The following PID1 variants were observed in gnomAD, a reference collection of about 807,000 sequenced individuals.
PID1 encodes the protein PTB-containing, cubilin and LRP1-interacting protein.
Under a neutral mutation model 19.1 loss-of-function variants are expected in PID1, and 10 were observed. That is an observed-to-expected ratio of 0.52 (90% CI 0.32 to 0.89). The LOEUF is 0.89. Among genes scored for constraint, PID1 ranks in the 40% least tolerant of loss-of-function variants. PID1 has a pLI of 0.03. For synonymous variants in PID1, 130 were observed against 116.0 expected, an observed-to-expected ratio of 1.12 and a Z score of -0.78; for missense variants, 248 against 285.3, an observed-to-expected ratio of 0.87 and a Z score of 0.94.
chr2:229,200,986 T>C (rs1691487502), intron 1 of PID1, among the ~76,000 whole-genome samples: 2 of 152,058 alleles, frequency 1.3e-5, no homozygotes, highest in South Asian at 2.1e-4. Flanking sequence ...CTTTCTGATA[T>C]GCTTCGATAC....
rs73998536 is a variant in PID1, at chr2:229,064,317, T to C, written c.178-38209A>G. ...GAAGTAAAATTGAGCTGGTTCATGA[T>C]TGACAGAATAGGCATGATCATGGTG... On this transcript the variant is annotated intron_variant, in intron 2 of 2. Transcript: ENST00000392055. Among the ~76,000 whole-genome samples, 455 of 152,160 alleles carry C rather than the reference T, an allele frequency of 3.0e-3. 2 individuals are homozygous for C. Among genetic ancestry groups the C allele is most frequent in the African/African-American group, 9.3e-3 (388 of 41,538 alleles).
At chr2:229,050,096 A>C (rs1169158454) in intron 2 of PID1, among the ~76,000 whole-genome samples, 1 of 152,222 alleles carries the variant, frequency 6.6e-6, no homozygotes, top group Non-Finnish European at 1.5e-5. Context: ...ACTTTTCCTA[A>C]ATGACAGCTC....
intron 1 of PID1, among the ~76,000 whole-genome samples, chr2:229,219,980 G>A (rs536799618): frequency 5.9e-5 from 9 of 152,064 alleles, no homozygotes; most frequent in South Asian, 2.1e-4. Context: ...ATATGTGATC[G>A]ACTGTAAATT....
intron 1 of PID1, among the ~76,000 whole-genome samples, chr2:229,194,852 T>C (rs1246082749): frequency 6.6e-6 from 1 of 151,988 alleles, no homozygotes; most frequent in Non-Finnish European, 1.5e-5. Context: ...CAAATGTACA[T>C]GTATATAGTA....
Position 229,037,617 on chromosome 2 carries a change from A to G in PID1, c.178-11509T>C, listed in dbSNP as rs189440226. On this transcript the variant is annotated intron_variant, in intron 2 of 2. Coordinates refer to ENST00000392055, the MANE Select transcript of PID1 (RefSeq NM_001100818.2). ...TTGAAGGTACTGAAGTGTGCCCCTG[A>G]AGACAAAGTCACTTAATAAAAACGA... Among the ~76,000 whole-genome samples the G allele has an allele frequency of 2.9e-3, 439 of 152,332 alleles. 1 individual carries two copies. Among genetic ancestry groups the G allele is most frequent in the Non-Finnish European group, 4.7e-3 (322 of 68,026 alleles).
Position 229,101,936 on chromosome 2 carries a change from A to T in PID1, c.177+53882T>A, listed in dbSNP as rs1695082333. On this transcript the variant is annotated intron_variant, in intron 2 of 2. Transcript: ENST00000392055. ...GCTAATCATCTGACCTTAAAATAAG[A>T]TTAGCCTGGATTGTCTAGGTGGGTC... 3.9e-5 allele frequency among the ~76,000 whole-genome samples: 6 copies of T among 152,184 alleles called. 2 individuals are homozygous for T. The South Asian group carries it at 1.2e-3, about 31-fold the overall frequency.
chr2:229,145,155 GTATA>G (rs5839309), intron 2 of PID1, among the ~76,000 whole-genome samples: 4,960 of 119,582 alleles, frequency 0.041, 88 homozygotes, highest in Non-Finnish European at 0.046. Context: ...ATATGTATGT[GTATA>G]TATATATATA....
At chr2:229,211,352 G>A (rs1374054085) in intron 1 of PID1, among the ~76,000 whole-genome samples, 1 of 151,978 alleles carries the variant, frequency 6.6e-6, no homozygotes, top group Non-Finnish European at 1.5e-5. Context: ...CACTTTGAAC[G>A]GTAACTGTTC....
intron 1 of PID1, among the ~76,000 whole-genome samples, chr2:229,253,036 C>T (rs914865102): frequency 7.2e-5 from 11 of 152,108 alleles, no homozygotes; most frequent in Admixed American, 1.3e-4. Flanking sequence ...ATATTCTCTA[C>T]CCAGAAGGTC....
intron 1 of PID1, among the ~76,000 whole-genome samples, chr2:229,209,618 A>G (rs908999499): frequency 1.3e-5 from 2 of 152,166 alleles, no homozygotes; most frequent in African/African-American, 2.4e-5. Flanking sequence ...GAAATTAAAC[A>G]TTGATCATGT....
chr2:229,128,070 G>A (rs1157199324), intron 2 of PID1, among the ~76,000 whole-genome samples: 1 of 152,044 alleles, frequency 6.6e-6, no homozygotes, highest in South Asian at 2.1e-4. Context: ...ATTCCCCCAG[G>A]GCATTTTCCT....
At chr2:229,227,849 T>C in intron 1 of PID1, 1 of 356,900 alleles carries the variant, frequency 2.8e-6, no homozygotes. Flanking sequence ...GTAACAACGA[T>C]TTATATAGCA....
rs765746020 is a variant in PID1 at position 229,065,729 on chromosome 2, A to AAAAAAAAAAAAAAAG, written c.178-39622_178-39621insCTTTTTTTTTTTTTT. ...GTGATTTACAAAAAAAAAAAAAAAA[A>AAAAAAAAAAAAAAAG]AAACAGGTTGAAATTCAGAGATTTA... On this transcript the variant is annotated intron_variant, in intron 2 of 2. Transcript: ENST00000392055. Among the ~76,000 whole-genome samples the AAAAAAAAAAAAAAAG allele has an allele frequency of 9.1e-3, 1,281 of 140,476 alleles. 32 individuals are homozygous for AAAAAAAAAAAAAAAG. Among genetic ancestry groups the AAAAAAAAAAAAAAAG allele is most frequent in the African/African-American group, 0.032 (1,150 of 35,624 alleles). 92.2% of individuals were successfully genotyped at this position (140,476 alleles called of 152,430 possible).
intron 2 of PID1, among the ~76,000 whole-genome samples, chr2:229,108,782 A>AGTCGTCT (rs1228063954): frequency 3.9e-5 from 6 of 152,126 alleles, no homozygotes; most frequent in Non-Finnish European, 8.8e-5. Context: ...GCCTGGACAC[A>AGTCGTCT]GTCGTCTGAG....
At chr2:229,071,507 C>T (rs1694451921) in intron 2 of PID1, among the ~76,000 whole-genome samples, 1 of 152,122 alleles carries the variant, frequency 6.6e-6, no homozygotes, top group Non-Finnish European at 1.5e-5. Flanking sequence ...TGTTATTATC[C>T]CAATTTACAA....
At chr2:229,214,489 CA>C (rs1691803570) in intron 1 of PID1, among the ~76,000 whole-genome samples, 1 of 152,008 alleles carries the variant, frequency 6.6e-6, no homozygotes, top group South Asian at 2.1e-4. Context: ...AACAAATCTA[CA>C]AGTATTTGGA....
chr2:229,157,142 C>T (rs1470675970), intron 1 of PID1, among the ~76,000 whole-genome samples: 1 of 152,138 alleles, frequency 6.6e-6, no homozygotes, highest in African/African-American at 2.4e-5. Flanking sequence ...AGAAGGACTC[C>T]ATACTTGGTT....
chr2:229,144,539 C>T (rs1031838902), intron 2 of PID1, among the ~76,000 whole-genome samples: 4 of 152,146 alleles, frequency 2.6e-5, no homozygotes, highest in South Asian at 2.1e-4. Flanking sequence ...TTATGCTGCA[C>T]TGATGGGCCC....
At chr2:229,232,342 G>A (rs901742518) in intron 1 of PID1, among the ~76,000 whole-genome samples, 2 of 134,606 alleles carry the variant, frequency 1.5e-5, no homozygotes, top group Non-Finnish European at 3.1e-5. Flanking sequence ...TGAGGCAGGA[G>A]AATGGCCTGA....
Sources: allele counts gnomAD v4.1 joint callset (sites outside exome capture counted in the v4.1 genomes callset), GRCh38; gene constraint gnomAD v4.1.1; transcripts MANE v1.5; gene names NCBI Gene and HGNC (gene_info 2026-07-23, HGNC 2026-07-21).